GHR: variants seen among roughly 807,000 people sequenced by gnomAD.
The protein encoded by GHR is growth hormone receptor, also known as GH receptor.
In GHR, 35 loss-of-function variants were observed where a neutral mutation model predicts 67.1. The ratio of observed to expected loss-of-function variants is 0.52; its 90% confidence interval spans 0.40 to 0.69. GHR has a LOEUF of 0.69. GHR is among the 30% of genes least tolerant of loss of function. The pLI is 0.00. For synonymous variants in GHR, 272 were observed against 269.1 expected, an observed-to-expected ratio of 1.01 and a Z score of -0.10; for missense variants, 792 against 764.6, an observed-to-expected ratio of 1.04 and a Z score of -0.42.
At chr5:42,504,613 G>T (rs1299677519) in intron 1 of GHR, among the ~76,000 whole-genome samples, 1 of 152,026 alleles carries the variant, frequency 6.6e-6, no homozygotes, top group African/African-American at 2.4e-5. Flanking sequence ...ACAAAAATTA[G>T]CTGGGAGTGG....
At chr5:42,698,089 G>A (rs1193777019) in intron 5 of GHR, among the ~76,000 whole-genome samples, 1 of 152,216 alleles carries the variant, frequency 6.6e-6, no homozygotes, top group African/African-American at 2.4e-5. Context: ...AAGAGGAAAG[G>A]AGAGCAGGTT....
chr5:42,517,115 CCTCTT>C (rs553784475), intron 1 of GHR, among the ~76,000 whole-genome samples: 191 of 152,264 alleles, frequency 1.3e-3, no homozygotes, highest in African/African-American at 3.2e-3. Flanking sequence ...TTTTAAAACT[CCTCTT>C]CTCAAAGCAA....
At chr5:42,630,117 T>A (rs967799505) in intron 3 of GHR, among the ~76,000 whole-genome samples, 2 of 132,086 alleles carry the variant, frequency 1.5e-5, no homozygotes, top group Non-Finnish European at 1.6e-5. Flanking sequence ...TGATAGCGTT[T>A]GCCTCCTGAC....
At chr5:42,447,518 C>T (rs1032576357) in intron 1 of GHR, among the ~76,000 whole-genome samples, 3 of 152,090 alleles carry the variant, frequency 2.0e-5, no homozygotes, top group Non-Finnish European at 4.4e-5. Flanking sequence ...TCTTTATCCA[C>T]TCATTGGTTG....
At chr5:42,645,394 C>T (rs1754679416) in intron 3 of GHR, among the ~76,000 whole-genome samples, 1 of 152,136 alleles carries the variant, frequency 6.6e-6, no homozygotes. Context: ...ACTCTTTGGC[C>T]ATGGAACATT....
chr5:42,671,171 G>C (rs78103921), intron 3 of GHR, among the ~76,000 whole-genome samples: 1 of 152,140 alleles, frequency 6.6e-6, no homozygotes, highest in Non-Finnish European at 1.5e-5. Flanking sequence ...ATTTGTTCAT[G>C]GTTCTGCAGC....
chr5:42,431,802 T>C (rs1315862824), intron 1 of GHR, among the ~76,000 whole-genome samples: 1 of 152,230 alleles, frequency 6.6e-6, no homozygotes, highest in African/African-American at 2.4e-5. Flanking sequence ...AGAAGTGCAC[T>C]TCACAGGGAT....
At chr5:42,549,589 A>G in intron 1 of GHR, 13 of 654,718 alleles carry the variant, frequency 2.0e-5, no homozygotes, top group Non-Finnish European at 2.5e-5. Flanking sequence ...TTAAGTGAGA[A>G]GAGTATAGGA....
At chr5:42,708,737 C>T (rs1758305198) in intron 6 of GHR, among the ~76,000 whole-genome samples, 1 of 152,156 alleles carries the variant, frequency 6.6e-6, no homozygotes, top group Non-Finnish European at 1.5e-5. Context: ...CTCACTGAGC[C>T]ACCACTTTGA....
At chr5:42,468,831 C>G (rs772487791) in intron 1 of GHR, 9 of 1,007,924 alleles carry the variant, frequency 8.9e-6, no homozygotes, top group Non-Finnish European at 1.3e-5. Flanking sequence ...GGTTGGTGAC[C>G]AGGCAGCTGA....
chr5:42,666,735 A>G (rs1458289093), intron 3 of GHR, among the ~76,000 whole-genome samples: 1 of 152,164 alleles, frequency 6.6e-6, no homozygotes, highest in Non-Finnish European at 1.5e-5. Context: ...GAACTTATCA[A>G]AAGTGCAGTA....
chr5:42,499,461 A>G (rs1156415573), intron 1 of GHR, among the ~76,000 whole-genome samples: 6 of 152,082 alleles, frequency 3.9e-5, no homozygotes. Flanking sequence ...AAATGTGAAC[A>G]CTCATGTGTA....
At chr5:42,687,416 C>G (rs546898566) in intron 3 of GHR, among the ~76,000 whole-genome samples, 5 of 152,188 alleles carry the variant, frequency 3.3e-5, no homozygotes, top group Non-Finnish European at 7.4e-5. Context: ...CCTGACCCAG[C>G]TTATTTTTCT....
chr5:42,498,903 G>C (rs1746426812), intron 1 of GHR, among the ~76,000 whole-genome samples: 1 of 152,124 alleles, frequency 6.6e-6, no homozygotes, highest in Non-Finnish European at 1.5e-5. Context: ...GGTCATTCTG[G>C]TACCTGAGAA....
chr5:42,424,604 T>C lies in GHR; in HGVS notation c.-12+649T>C. 1 of 1,534,126 alleles carries C rather than the reference T, an allele frequency of 6.5e-7. No individual in the cohort carries two copies. Among genetic ancestry groups the C allele is most frequent in the Non-Finnish European group, 8.7e-7 (1 of 1,145,678 alleles). On this transcript the variant is annotated intron_variant, in intron 1 of 9. Coordinates refer to ENST00000230882, the MANE Select transcript of GHR (RefSeq NM_000163.5). The surrounding 1 kb of genome is among the most constrained non-coding windows in gnomAD (Gnocchi z 4.1). ...ACCAGTCCGCATGAACTGGGGTAAG[T>C]GGAAATTGTGGCGAGCCGACCTCCC...
chr5:42,646,332 G>T (rs1257365475), intron 3 of GHR: 4 of 454,766 alleles, frequency 8.8e-6, no homozygotes, highest in South Asian at 3.1e-5. Context: ...CTCTTTGCAG[G>T]ATGGGGTCCA....
intron 1 of GHR, among the ~76,000 whole-genome samples, chr5:42,558,064 C>CT (rs1389353240): frequency 6.6e-6 from 1 of 152,092 alleles, no homozygotes; most frequent in Non-Finnish European, 1.5e-5. Flanking sequence ...AATCATGACC[C>CT]TTTTTTTAAA....
intron 6 of GHR, among the ~76,000 whole-genome samples, chr5:42,700,310 G>A (rs541465981): frequency 6.6e-6 from 1 of 152,208 alleles, no homozygotes; most frequent in East Asian, 1.9e-4. Flanking sequence ...TTGGGGATGT[G>A]GATAAAAATG....
rs1348640070 is a variant in GHR at position 42,637,110 on chromosome 5, G to A, written c.136+8007G>A. Among the ~76,000 whole-genome samples, 3 of 152,180 alleles carry A rather than the reference G, an allele frequency of 2.0e-5. No individual in the cohort carries two copies. The South Asian group carries it at 6.2e-4, about 32-fold the overall frequency. On this transcript the variant is annotated intron_variant, in intron 3 of 9. Transcript: ENST00000230882. Reference sequence around the variant, plus strand: ...AAACAGGCCCTCAGACCAGATGCTTGTTTTTGTAAATAAAGTTTTATTGGA... The same window carrying A: ...AAACAGGCCCTCAGACCAGATGCTTATTTTTGTAAATAAAGTTTTATTGGA...
Sources: allele counts gnomAD v4.1 joint callset (sites outside exome capture counted in the v4.1 genomes callset), GRCh38; gene constraint gnomAD v4.1.1; non-coding constraint Gnocchi (gnomAD v3.1); transcripts MANE v1.5; gene names NCBI Gene and HGNC (gene_info 2026-07-23, HGNC 2026-07-21).